ACACB: variants seen among roughly 807,000 people sequenced by gnomAD.
ACACB encodes acetyl-CoA carboxylase 2.
A neutral mutation model predicts 278.8 loss-of-function variants in ACACB; 209 were observed. The observed-to-expected ratio is 0.75, with a 90% confidence interval of 0.67 to 0.84. The LOEUF is 0.84. Among genes scored for constraint, ACACB ranks in the 40% least tolerant of loss-of-function variants. ACACB has a pLI of 0.00. For synonymous variants in ACACB, 1,174 were observed against 1,285.6 expected, an observed-to-expected ratio of 0.91 and a Z score of 1.86; for missense variants, 2,850 against 3,269.0, an observed-to-expected ratio of 0.87 and a Z score of 3.13.
At chr12:109,140,324 TTCCTTCCTTCCTTCCTTCCTTCC>T (rs1565857726) in intron 2 of ACACB, among the ~76,000 whole-genome samples, 1,611 of 143,828 alleles carry the variant, frequency 0.011, 78 homozygotes, top group East Asian at 0.02. Flanking sequence ...CCTTCCTTCC[TTCCTTCCTTCCTTCCTTCCTTCC>T]TTCCCTCCTT....
At chr12:109,262,983 T>TATATATATATATATATATATATATATATA (rs1491252356) in intron 49 of ACACB, 4 of 134,890 alleles carry the variant, frequency 3.0e-5, no homozygotes, top group East Asian at 2.2e-4. Context: ...TATATATATA[T>TATATATATATATATATATATATATATATA]TGCCATCGTG....
intron 37 of ACACB, 59 bp from the exon 38 acceptor site, chr12:109,245,567 A>G: frequency 6.4e-7 from 1 of 1,567,174 alleles, no homozygotes; most frequent in Non-Finnish European, 8.7e-7. Flanking sequence ...CTGTCTGGGA[A>G]AGATAGTTCT....
intron 19 of ACACB, among the ~76,000 whole-genome samples, chr12:109,201,922 A>G (rs2045346369): frequency 1.3e-5 from 2 of 152,148 alleles, no homozygotes; most frequent in African/African-American, 4.8e-5. Context: ...TGCTTAGAGC[A>G]AAACCCAATT....
At chr12:109,216,011 C>T (rs12820080) in intron 22 of ACACB, among the ~76,000 whole-genome samples, 36,992 of 151,816 alleles carry the variant, frequency 0.24, 4,800 homozygotes, top group East Asian at 0.34. Context: ...GTTGCCCAGG[C>T]TGCTCTTGAA....
intron 9 of ACACB, among the ~76,000 whole-genome samples, chr12:109,176,876 C>G (rs1043646514): frequency 3.3e-5 from 5 of 152,238 alleles, no homozygotes; most frequent in African/African-American, 1.2e-4. Context: ...CCTGGCCTCC[C>G]AAAGTGCTGG....
At chr12:109,231,829 C>T (rs1328319666) in intron 28 of ACACB, among the ~76,000 whole-genome samples, 1 of 152,190 alleles carries the variant, frequency 6.6e-6, no homozygotes, top group Admixed American at 6.5e-5. Flanking sequence ...TCCAGCCCCG[C>T]ACCAGGGATT....
intron 36 of ACACB, 69 bp from the exon 37 acceptor site, chr12:109,242,368 G>T: frequency 6.5e-7 from 1 of 1,535,370 alleles, no homozygotes; most frequent in Non-Finnish European, 8.9e-7. Flanking sequence ...ATTGAGGACT[G>T]GGCAGAAATA....
In ACACB at chr12:109,206,742, G is replaced by T. The variant is rs765175424; in HGVS notation, c.2946G>T (p.Gln982His). The T allele has an allele frequency of 9.3e-6, 15 of 1,613,964 alleles. No individual in the cohort carries two copies. The South Asian group carries it at 1.6e-4, about 18-fold the overall frequency. ...AEPFTGELPA[Q>H]QTLPILGEKL... is the part of the protein sequence containing the mutation. Reference sequence around the variant, plus strand: ...CGTTCACAGGAGAACTCCCTGCCCAGCAGACACTGCCCATCCTCGGAGAGA... The same window carrying T: ...CGTTCACAGGAGAACTCCCTGCCCATCAGACACTGCCCATCCTCGGAGAGA... The change falls in exon 20 of 53, where the codon CAG (glutamine) becomes CAT (histidine). Residue 982 changes from glutamine to histidine, a missense_variant. Around this residue, in one of 3 missense-constraint regions of ACACB, gnomAD observed 2,265 missense variants for 2,561.3 expected, o/e 0.88. Coordinates refer to ENST00000338432, the MANE Select transcript of ACACB (RefSeq NM_001093.4).
intron 2 of ACACB, among the ~76,000 whole-genome samples, chr12:109,156,905 C>T (rs1329983579): frequency 6.6e-6 from 1 of 152,022 alleles, no homozygotes; most frequent in Non-Finnish European, 1.5e-5. Flanking sequence ...TTCAGTATGC[C>T]AGGCCAAGTG....
At chr12:109,210,519 A>G (rs1187799190) in intron 21 of ACACB, among the ~76,000 whole-genome samples, 7 of 148,690 alleles carry the variant, frequency 4.7e-5, no homozygotes, top group Non-Finnish European at 1.0e-4. Flanking sequence ...ACGCACATAC[A>G]TGTGTATATG....
chr12:109,211,970 A>T (rs1264500449), intron 21 of ACACB, among the ~76,000 whole-genome samples: 1 of 152,184 alleles, frequency 6.6e-6, no homozygotes, highest in African/African-American at 2.4e-5. Context: ...GTAATGATAA[A>T]GACAGGACCC....
At position 109,197,161 on chromosome 12, in the gene ACACB, G is replaced by A. The variant is rs774240933; in HGVS notation, c.2627+8G>A. On this transcript the variant is annotated splice_region_variant and intron_variant, in intron 17 of 52. Coordinates refer to ENST00000338432, the MANE Select transcript of ACACB (RefSeq NM_001093.4). ...GAAGGAAGAGGTTGACAGGTGCGTGGGGGTGCGAGTCCCACTGTGGGCTGG... is the reference window on the plus strand; with the variant it reads ...GAAGGAAGAGGTTGACAGGTGCGTGAGGGTGCGAGTCCCACTGTGGGCTGG... 3 of 1,600,412 alleles carry A rather than the reference G, an allele frequency of 1.9e-6. No homozygotes were observed. Among genetic ancestry groups the A allele is most frequent in the South Asian group, 1.1e-5 (1 of 88,504 alleles).
chr12:109,245,553 A>T, intron 37 of ACACB, 73 bp from the exon 38 acceptor site: 4 of 1,481,758 alleles, frequency 2.7e-6, no homozygotes, highest in Admixed American at 4.1e-5. Flanking sequence ...ATGACAGATC[A>T]TCTCTGTCTG....
intron 13 of ACACB, among the ~76,000 whole-genome samples, chr12:109,191,153 A>C (rs1454113990): frequency 6.6e-6 from 1 of 151,920 alleles, no homozygotes; most frequent in Non-Finnish European, 1.5e-5. Context: ...TTAGCCAGGC[A>C]GTAAACCCTG....
intron 2 of ACACB, among the ~76,000 whole-genome samples, chr12:109,140,341 TCC>T (rs2043091418): frequency 1.1e-5 from 1 of 94,118 alleles, no homozygotes; most frequent in East Asian, 6.5e-4. Flanking sequence ...CTTCCTTCCT[TCC>T]TTCCTTCCCT....
intron 13 of ACACB, among the ~76,000 whole-genome samples, chr12:109,190,913 A>G (rs879705230): frequency 3.2e-4 from 49 of 152,050 alleles, no homozygotes; most frequent in Non-Finnish European, 6.0e-4. Context: ...GGCATGAACC[A>G]CCATGCCTGG....
At chr12:109,237,523 T>G (rs2136642042) in intron 34 of ACACB, 143 bp downstream of exon 34, 1 of 875,358 alleles carries the variant, frequency 1.1e-6, no homozygotes, top group South Asian at 1.7e-5. Flanking sequence ...TATGCTCCAG[T>G]CCAGGGCAGG....
intron 23 of ACACB, 42 bp from the exon 24 acceptor site, chr12:109,216,754 G>A: frequency 6.2e-7 from 1 of 1,614,134 alleles, no homozygotes; most frequent in Non-Finnish European, 8.5e-7. Flanking sequence ...GGGGCGTGAG[G>A]AGCCTGAGCT....
At chr12:109,158,625 A>AT (rs957853481) in intron 2 of ACACB, among the ~76,000 whole-genome samples, 15 of 151,538 alleles carry the variant, frequency 9.9e-5, no homozygotes, top group Non-Finnish European at 1.3e-4. Flanking sequence ...GCAGTGAACT[A>AT]TTTTTGCACC....
Sources: gnomAD v4.1 joint callset for allele counts (sites outside exome capture counted in the v4.1 genomes callset) on GRCh38, gnomAD v4.1.1 for gene constraint, gnomAD v4.1.1 regional missense constraint, MANE v1.5 for transcripts, NCBI Gene and HGNC (gene_info 2026-07-23, HGNC 2026-07-21) for gene names.